Variants in FOLH1 observed in about 807,000 individuals in gnomAD.
FOLH1 encodes the protein folate hydrolase 1.
Under a neutral mutation model 93.9 loss-of-function variants are expected in FOLH1, and 54 were observed. That is an observed-to-expected ratio of 0.57 (90% CI 0.46 to 0.72). The LOEUF is 0.72. FOLH1 is among the 30% of genes least tolerant of loss of function. FOLH1 has a pLI of 0.00. For synonymous variants in FOLH1, 249 were observed against 303.6 expected (o/e 0.82, Z 1.87); for missense variants, 571 against 892.5 (o/e 0.64, Z 4.59).
chr11:49,205,112 G>A lies in FOLH1; in HGVS notation c.224+955C>T, dbSNP rs368192362. 1.8e-4 allele frequency among the ~76,000 whole-genome samples: 27 copies of A among 152,130 alleles called. No individual in the cohort carries two copies. In the East Asian group the frequency reaches 3.3e-3, roughly 19 times the overall value. On this transcript the variant is annotated intron_variant, in intron 2 of 18. Transcript: ENST00000256999. ...GTAATCCCAGGTACTCAGGAGGCATGAGAATCGCTTGTACCTGGGAGGCGG... is the reference window on the plus strand; with the variant it reads ...GTAATCCCAGGTACTCAGGAGGCATAAGAATCGCTTGTACCTGGGAGGCGG...
At chr11:49,167,731 T>C (rs1858584911) in intron 12 of FOLH1, among the ~76,000 whole-genome samples, 1 of 152,000 alleles carries the variant, frequency 6.6e-6, no homozygotes, top group African/African-American at 2.4e-5. Flanking sequence ...GGAGGATCAC[T>C]TGAGCCTGGG....
intron 1 of FOLH1, chr11:49,207,688 G>A (rs2135364115): frequency 2.9e-6 from 1 of 348,240 alleles, no homozygotes; most frequent in East Asian, 7.5e-5. Context: ...CGCTGAGAGG[G>A]ACTCGGTAAC....
rs564698145 is a variant in FOLH1, at chr11:49,202,200, C to A, written c.225-1759G>T. Among the ~76,000 whole-genome samples the A allele has an allele frequency of 7.6e-4, 116 of 152,146 alleles. 1 individual carries two copies. The South Asian group carries it at 0.024, about 31-fold the overall frequency. ...AAAGACTTGAGGCTCAATTAGATTG[C>A]GTATTAAATAGCACTTCTCAATGAT... On this transcript the variant is annotated intron_variant, in intron 2 of 18. Coordinates refer to ENST00000256999, the MANE Select transcript of FOLH1 (RefSeq NM_004476.3).
At position 49,174,956 on chromosome 11, in the gene FOLH1, G is replaced by C; in HGVS notation, c.1041C>G (p.His347Gln). 3.1e-6 allele frequency: 5 copies of C among 1,610,420 alleles called. No individual in the cohort carries two copies. In the South Asian group the frequency reaches 3.3e-5, roughly 11 times the overall value. Residue 347 changes from histidine (H) to glutamine (Q), a missense_variant, in exon 9 of 19, where the codon CAC becomes CAG. Physicochemically the swap from His to Gln is conservative, Grantham distance 24. Coordinates refer to ENST00000256999, the MANE Select transcript of FOLH1 (RefSeq NM_004476.3). ...AAATTCTTGTCACTTCATTGGTAGA[G>C]TGGATGTGCATCTTGACTTTTCTAA... ...FSTQKVKMHI[H>Q]STNEVTRIYN... is the part of the protein sequence containing the mutation.
rs138510346 is a variant in FOLH1, at chr11:49,192,828, G to T, written c.478C>A (p.Pro160Thr). Residue 160 changes from proline to threonine, a missense_variant, in exon 4 of 19, where the codon CCT (proline) becomes ACT (threonine). Transcript: ENST00000256999. The part of the protein sequence containing the change: ...GYENVSDIVP[P>T]FSAFSPQGMP... ...CCTTGAGGAGAGAAAGCACTGAAAG[G>T]TGGTACAATATCCGAAACATTTTCA... The T allele has an allele frequency of 6.2e-7, 1 of 1,608,016 alleles. No individual in the cohort carries two copies. Among genetic ancestry groups the T allele is most frequent in the Non-Finnish European group, 8.5e-7 (1 of 1,176,562 alleles).
chr11:49,174,347 G>A (rs781200431), intron 9 of FOLH1, among the ~76,000 whole-genome samples: 1 of 152,116 alleles, frequency 6.6e-6, no homozygotes, highest in Non-Finnish European at 1.5e-5. Context: ...ATAAGAAACT[G>A]AGCCTTCATG....
At chr11:49,154,628 A>G in intron 15 of FOLH1, 136 bp from the exon 16 acceptor site, 2 of 1,456,758 alleles carry the variant, frequency 1.4e-6, no homozygotes, top group Non-Finnish European at 1.8e-6. Flanking sequence ...AATAAGCTAC[A>G]TCCTAAATGG....
chr11:49,185,439 G>A (rs1861253412), intron 6 of FOLH1, among the ~76,000 whole-genome samples: 1 of 152,108 alleles, frequency 6.6e-6, no homozygotes, highest in South Asian at 2.1e-4. Flanking sequence ...ACACCATAAT[G>A]TTTTTTAAAT....
intron 3 of FOLH1, among the ~76,000 whole-genome samples, chr11:49,200,026 G>A (rs1447338895): frequency 6.6e-6 from 1 of 152,036 alleles, no homozygotes; most frequent in Non-Finnish European, 1.5e-5. Flanking sequence ...CTAAAAAACA[G>A]CAGCTGTTAT....
intron 18 of FOLH1, among the ~76,000 whole-genome samples, chr11:49,147,650 G>A (rs1412261095): frequency 6.6e-6 from 1 of 152,142 alleles, no homozygotes; most frequent in Non-Finnish European, 1.5e-5. Flanking sequence ...AAGGCCAGAA[G>A]CAGTAGCTCA....
chr11:49,156,837 C>A, intron 14 of FOLH1, 30 bp from the exon 15 acceptor site: 1 of 1,608,404 alleles, frequency 6.2e-7, no homozygotes, highest in East Asian at 2.2e-5. Context: ...AGAATTATTT[C>A]AAAGTAATTT....
At chr11:49,188,533 G>C (rs1198772009) in intron 4 of FOLH1, among the ~76,000 whole-genome samples, 1 of 146,184 alleles carries the variant, frequency 6.8e-6, no homozygotes, top group Admixed American at 6.8e-5. Context: ...AAAAAAGATA[G>C]ATTAAGTTAT....
In FOLH1 at chr11:49,183,981, G is replaced by GATCT. The variant is rs35375280; in HGVS notation, c.827-743_827-740dup. On this transcript the variant is annotated intron_variant, in intron 6 of 18. Coordinates refer to ENST00000256999, the MANE Select transcript of FOLH1 (RefSeq NM_004476.3). Reference sequence around the variant, plus strand: ...AAAATTTATTGAACTGAACTCTTGAGATCTATGTATTTTATTGCATGTAAA... The same window carrying GATCT: ...AAAATTTATTGAACTGAACTCTTGAGATCTATCTATGTATTTTATTGCATGTAAA... Among the ~76,000 whole-genome samples the GATCT allele has an allele frequency of 2.5e-3, 386 of 152,236 alleles. 1 individual carries two copies. The highest frequency in any genetic ancestry group is 6.9e-3 in the Admixed American group (105 of 15,298).
chr11:49,190,607 C>T (rs865997174), intron 4 of FOLH1, among the ~76,000 whole-genome samples: 11 of 152,304 alleles, frequency 7.2e-5, no homozygotes, highest in Middle Eastern at 6.8e-3. Flanking sequence ...AACTCTCAGG[C>T]TCCACCCCAT....
chr11:49,188,151 T>G (rs1861623053), intron 4 of FOLH1, among the ~76,000 whole-genome samples: 1 of 152,214 alleles, frequency 6.6e-6, no homozygotes, highest in Non-Finnish European at 1.5e-5. Flanking sequence ...TCAGTATATC[T>G]TTATAAGTCA....
chr11:49,193,666 G>T (rs1208657933), intron 3 of FOLH1, among the ~76,000 whole-genome samples: 2 of 151,178 alleles, frequency 1.3e-5, no homozygotes, highest in African/African-American at 2.4e-5. Flanking sequence ...AAATTAAATT[G>T]GAAAAAAAAT....
chr11:49,171,419 C>T (rs1294142631), intron 10 of FOLH1, 142 bp from the exon 11 acceptor site: 21 of 1,172,500 alleles, frequency 1.8e-5, no homozygotes, highest in Middle Eastern at 4.3e-4. Context: ...TCTTTACTTA[C>T]GTAACTTTTT....
intron 10 of FOLH1, among the ~76,000 whole-genome samples, chr11:49,172,999 G>C (rs1398703244): frequency 6.6e-6 from 1 of 152,132 alleles, no homozygotes; most frequent in African/African-American, 2.4e-5. Context: ...AGAAGAGACG[G>C]AGGAACGTCT....
At chr11:49,161,941 G>A (rs1367151175) in intron 13 of FOLH1, among the ~76,000 whole-genome samples, 1 of 152,184 alleles carries the variant, frequency 6.6e-6, no homozygotes, top group African/African-American at 2.4e-5. Context: ...TAAGAATGTT[G>A]AACATTGGCC....
Sources: gnomAD v4.1 joint callset for allele counts (sites outside exome capture counted in the v4.1 genomes callset) on GRCh38, gnomAD v4.1.1 for gene constraint, MANE v1.5 for transcripts, NCBI Gene and HGNC (gene_info 2026-07-23, HGNC 2026-07-21) for gene names.